UST: variants seen among roughly 807,000 people sequenced by gnomAD.
UST encodes the protein chondroitin sulfate 2-O-sulfotransferase.
Under a neutral mutation model 45.6 loss-of-function variants are expected in UST, and 21 were observed. The ratio of observed to expected loss-of-function variants is 0.46; its 90% CI spans 0.33 to 0.66. UST has a LOEUF of 0.66. Ranked by LOEUF, UST falls within the 30% of genes least tolerant of loss-of-function variation. UST has a pLI of 0.02. For missense variants in UST, 463 were observed against 512.4 expected (o/e 0.90, Z 0.93); for synonymous variants, 215 against 200.6 (o/e 1.07, Z -0.61).
chr6:148,885,863 C>A (rs1778902030), intron 1 of UST, among the ~76,000 whole-genome samples: 1 of 152,222 alleles, frequency 6.6e-6, no homozygotes, highest in Non-Finnish European at 1.5e-5. Flanking sequence ...AGACACTGAC[C>A]TTATCCCCCA....
intron 5 of UST, among the ~76,000 whole-genome samples, chr6:149,015,057 C>A (rs1203545205): frequency 6.6e-6 from 1 of 152,024 alleles, no homozygotes; most frequent in Non-Finnish European, 1.5e-5. Context: ...GTGAGAGAGG[C>A]CTCAGGAAGG....
intron 7 of UST, among the ~76,000 whole-genome samples, chr6:149,054,105 G>C (rs970160244): frequency 6.6e-6 from 1 of 152,116 alleles, no homozygotes; most frequent in African/African-American, 2.4e-5. Flanking sequence ...TTTGGACCTC[G>C]TGGGAAAAAA....
chr6:148,801,832 C>A (rs1229493345), intron 1 of UST, among the ~76,000 whole-genome samples: 1 of 152,044 alleles, frequency 6.6e-6, no homozygotes, highest in East Asian at 1.9e-4. Flanking sequence ...GGTATTTTTT[C>A]TTGGGAAAGT....
chr6:149,020,656 A>C (rs189584457), intron 6 of UST, among the ~76,000 whole-genome samples: 3 of 152,210 alleles, frequency 2.0e-5, no homozygotes, highest in Admixed American at 1.3e-4. Flanking sequence ...GGCTTGCCCA[A>C]TTCCCCCAAA....
intron 5 of UST, among the ~76,000 whole-genome samples, chr6:148,984,501 G>A (rs1582943211): frequency 1.3e-5 from 2 of 152,190 alleles, no homozygotes; most frequent in East Asian, 3.9e-4. Context: ...TAGACATCAT[G>A]ACATGATAGG....
chr6:149,059,117 G>T (rs969628393), intron 7 of UST, among the ~76,000 whole-genome samples: 1 of 152,192 alleles, frequency 6.6e-6, no homozygotes, highest in Non-Finnish European at 1.5e-5. Flanking sequence ...CTGACTTAGG[G>T]GGGTGGTTGT....
At chr6:148,938,266 T>C (rs906485163) in intron 2 of UST, among the ~76,000 whole-genome samples, 1 of 152,218 alleles carries the variant, frequency 6.6e-6, no homozygotes, top group African/African-American at 2.4e-5. Flanking sequence ...AGGCTCTTTA[T>C]GTACAAAGCA....
At chr6:148,933,705 C>G (rs1779965942) in intron 2 of UST, among the ~76,000 whole-genome samples, 1 of 152,114 alleles carries the variant, frequency 6.6e-6, no homozygotes, top group Non-Finnish European at 1.5e-5. Flanking sequence ...GTGTGTGGCT[C>G]AGATGGTTTG....
rs78200389 is a variant in UST, at chr6:148,818,147, G to A, written c.248-68839G>A. 3.3e-4 allele frequency among the ~76,000 whole-genome samples: 50 copies of A among 151,838 alleles called. No homozygotes were observed. The East Asian group carries it at 8.9e-3, about 27-fold the overall frequency. On this transcript the variant is annotated intron_variant, in intron 1 of 7. Transcript: ENST00000367463. Reference sequence around the variant, plus strand: ...GTCTGTCGGAAGTCTGTCTCCAATAGCCACATATGATAAAATGAGCTAGAA... The same window carrying A: ...GTCTGTCGGAAGTCTGTCTCCAATAACCACATATGATAAAATGAGCTAGAA...
chr6:148,803,339 G>A (rs1777085976), intron 1 of UST, among the ~76,000 whole-genome samples: 1 of 152,068 alleles, frequency 6.6e-6, no homozygotes, highest in Non-Finnish European at 1.5e-5. Context: ...CCATTCCTGG[G>A]ATATTCTAGA....
At chr6:148,882,443 G>A (rs1238468959) in intron 1 of UST, among the ~76,000 whole-genome samples, 1 of 136,390 alleles carries the variant, frequency 7.3e-6, no homozygotes, top group Non-Finnish European at 1.5e-5. Context: ...CCGAGATTGC[G>A]CCGTTGCACT....
At chr6:148,974,809 A>G (rs998673435) in intron 5 of UST, among the ~76,000 whole-genome samples, 1 of 152,232 alleles carries the variant, frequency 6.6e-6, no homozygotes, top group African/African-American at 2.4e-5. Flanking sequence ...GTAAAAACAC[A>G]ATGGAATTGT....
In UST at chr6:148,790,981, A is replaced by G. The variant is rs10499260; in HGVS notation, c.247+43304A>G. On this transcript the variant is annotated intron_variant, in intron 1 of 7. Coordinates refer to ENST00000367463, the MANE Select transcript of UST (RefSeq NM_005715.3). The surrounding 1 kb of genome is among the most constrained non-coding windows in gnomAD (Gnocchi z 4.2). ...ACAGTTAAAGGTGCACGCGTTAGTG[A>G]AACCTCGCAACACATCAGTGACCAG... Among the ~76,000 whole-genome samples, 20,744 of 152,250 alleles carry G rather than the reference A, an allele frequency of 0.14. 1,569 individuals carry two copies. Among genetic ancestry groups the G allele is most frequent in the African/African-American group, 0.19 (7,738 of 41,548 alleles).
intron 5 of UST, among the ~76,000 whole-genome samples, chr6:149,012,349 T>C (rs909791700): frequency 1.3e-5 from 2 of 152,034 alleles, no homozygotes; most frequent in African/African-American, 2.4e-5. Context: ...CAAGGAAGAG[T>C]GTATGAGGCA....
At chr6:149,042,375 A>G (rs1776326354) in intron 7 of UST, among the ~76,000 whole-genome samples, 1 of 152,336 alleles carries the variant, frequency 6.6e-6, no homozygotes, top group East Asian at 1.9e-4. Context: ...ATTATCTCAC[A>G]TCTTTGGCCC....
chr6:149,013,367 A>C (rs1775847084), intron 5 of UST, among the ~76,000 whole-genome samples: 1 of 152,140 alleles, frequency 6.6e-6, no homozygotes, highest in Admixed American at 6.5e-5. Context: ...GCTACTAAAA[A>C]TACAAAAAAT....
At chr6:149,069,648 G>A (rs1488982454) in intron 7 of UST, among the ~76,000 whole-genome samples, 1 of 152,200 alleles carries the variant, frequency 6.6e-6, no homozygotes, top group East Asian at 1.9e-4. Flanking sequence ...AGGCATTCAG[G>A]GAAGAGAGTT....
intron 7 of UST, among the ~76,000 whole-genome samples, chr6:149,047,552 G>GC (rs1473110554): frequency 1.3e-5 from 2 of 152,012 alleles, no homozygotes; most frequent in South Asian, 2.1e-4. Flanking sequence ...CCACCCCTTG[G>GC]CCATTTTGGG....
intron 1 of UST, among the ~76,000 whole-genome samples, chr6:148,778,994 G>A (rs980612291): frequency 4.6e-5 from 7 of 152,096 alleles, no homozygotes; most frequent in African/African-American, 1.4e-4. Context: ...CTGCAAGGCC[G>A]AGCCCACCCT....
Sources: gnomAD v4.1 joint callset for allele counts (sites outside exome capture counted in the v4.1 genomes callset) on GRCh38, gnomAD v4.1.1 for gene constraint, Gnocchi (gnomAD v3.1) non-coding constraint, MANE v1.5 for transcripts, NCBI Gene and HGNC (gene_info 2026-07-23, HGNC 2026-07-21) for gene names.